Variants in ATP4A observed in about 807,000 individuals in gnomAD.
The protein encoded by ATP4A is ATPase H+/K+ transporting subunit alpha.
ATP4A carries 73 observed loss-of-function variants against 112.1 expected under a neutral mutation model. The observed-to-expected ratio is 0.65, with a 90% confidence interval of 0.54 to 0.79. The LOEUF (loss-of-function observed/expected upper bound fraction) is 0.79, where lower values mean the gene tolerates loss of function less well. ATP4A is among the 30% of genes least tolerant of loss of function. The pLI is 0.00. For missense variants in ATP4A, 1,081 were observed against 1,425.9 expected, an observed-to-expected ratio of 0.76 and a Z score of 3.90; for synonymous variants, 588 against 588.9, an observed-to-expected ratio of 1.00 and a Z score of 0.02.
rs1343391990 is a variant in ATP4A, at chr19:35,550,506, G to T, written c.*109C>A. On this transcript the variant is annotated 3_prime_UTR_variant, in exon 22 of 22. Coordinates refer to ENST00000262623, the MANE Select transcript of ATP4A (RefSeq NM_000704.3). The surrounding 1 kb of genome is among the most constrained non-coding windows in gnomAD (Gnocchi z 4.1). ...GGCTACAGAAGCAGATACTGGTGGGGCTGGGACTCTTGGTTGCTCAGATAT... is the reference window on the plus strand; with the variant it reads ...GGCTACAGAAGCAGATACTGGTGGGTCTGGGACTCTTGGTTGCTCAGATAT... 4 of 1,432,734 alleles carry T rather than the reference G, an allele frequency of 2.8e-6. No individual in the cohort carries two copies. Among genetic ancestry groups the T allele is most frequent in the Non-Finnish European group, 2.9e-6 (3 of 1,031,334 alleles). 88.8% of individuals were successfully genotyped at this position (1,432,734 alleles called of 1,614,324 possible). A position where few individuals can be genotyped will look rare whatever the true frequency, so the allele number is the denominator to read the frequency against.
At position 35,558,953 on chromosome 19, in the gene ATP4A, C is replaced by T. The variant is rs1167741009; in HGVS notation, c.1255+40G>A. 6.2e-7 allele frequency: 1 copy of T among 1,609,796 alleles called. No individual in the cohort carries two copies. The highest frequency in any genetic ancestry group is 1.3e-5 in the African/African-American group (1 of 74,848). On this transcript the variant is annotated intron_variant, in intron 8 of 21. Transcript: ENST00000262623. This position sits in a 1 kb window ranked among gnomAD's most constrained non-coding sequence, Gnocchi z 5.1. Reference sequence around the variant, plus strand: ...CCCTCTTCAGGTCTCCACCATCCACCAGATCCTGCCCTGGCGCCTGTGCCC... The same window carrying T: ...CCCTCTTCAGGTCTCCACCATCCACTAGATCCTGCCCTGGCGCCTGTGCCC...
Position 35,550,848 on chromosome 19 carries a change from C to T in ATP4A, c.3065G>A (p.Arg1022His), listed in dbSNP as rs773459189. 39 of 1,613,986 alleles carry T rather than the reference C, an allele frequency of 2.4e-5. No individual in the cohort carries two copies. The highest frequency in any genetic ancestry group is 3.3e-5 in the South Asian group (3 of 91,078). Residue 1022 changes from arginine to histidine, a missense_variant, in exon 21 of 22, where the codon CGC becomes CAC. Arg to His is a conservative substitution (Grantham distance 29, BLOSUM62 0). Around this residue, in one of 3 missense-constraint regions of ATP4A, gnomAD observed 219 missense variants for 320.9 expected, o/e 0.68. Coordinates refer to ENST00000262623, the MANE Select transcript of ATP4A (RefSeq NM_000704.3). The surrounding 1 kb of genome is among the most constrained non-coding windows in gnomAD (Gnocchi z 4.1). ...TCCACACTCACTCCCTGGGCAACAG[C>T]GAACTCCAAGCTTCCGGATCTCATC... Reference protein sequence around the residue: ...VYDEIRKLGVRCCPGSWWDQE... With the variant: ...VYDEIRKLGVHCCPGSWWDQE...
rs1222895578 is a variant in ATP4A at position 35,558,832 on chromosome 19, C to T, written c.1256-146G>A. On this transcript the variant is annotated intron_variant, in intron 8 of 21. Transcript: ENST00000262623. This position sits in a 1 kb window ranked among gnomAD's most constrained non-coding sequence, Gnocchi z 5.1. ...ACCCAACCCTGAGGGACCCAGCCCC[C>T]GGATGACCCTTCCCTCTAGACCCGG... 18 of 1,262,652 alleles carry T rather than the reference C, an allele frequency of 1.4e-5. No individual in the cohort carries two copies. Among genetic ancestry groups the T allele is most frequent in the Non-Finnish European group, 1.7e-5 (16 of 922,652 alleles). 78.2% of individuals were successfully genotyped at this position (1,262,652 alleles called of 1,614,324 possible).
chr19:35,553,406 G>A (rs898783773), intron 17 of ATP4A, among the ~76,000 whole-genome samples: 1 of 152,018 alleles, frequency 6.6e-6, no homozygotes, highest in Non-Finnish European at 1.5e-5. Context: ...AGAGAAGCAG[G>A]GACAGAGAGA....
chr19:35,560,787 G>A lies in ATP4A; in HGVS notation c.534+32C>T. ...TACAGGAGCAGTTTGGAGTCTCTGG[G>A]ATCTGGAGTGGCTGGGTGCTGGGGA... On this transcript the variant is annotated intron_variant, in intron 5 of 21. Transcript: ENST00000262623. This position sits in a 1 kb window ranked among gnomAD's most constrained non-coding sequence, Gnocchi z 5.1. 6.2e-7 allele frequency: 1 copy of A among 1,605,876 alleles called. No homozygotes were observed. Among genetic ancestry groups the A allele is most frequent in the Non-Finnish European group, 8.5e-7 (1 of 1,172,576 alleles).
Position 35,551,069 on chromosome 19 carries a change from G to A in ATP4A, c.2928C>T (p.Ile976=), listed in dbSNP as rs199522591. 154 of 1,613,516 alleles carry A rather than the reference G, an allele frequency of 9.5e-5. 1 individual carries two copies. The Middle Eastern group carries it at 1.2e-3, about 12-fold the overall frequency. The part of the protein sequence containing the change: ...LVIAIVFQVC[I]GCFLCYCPGM... ...CGGGGCAGTAGCACAGGAAGCAGCC[G>A]ATGCAGACCTGGAACACGATGGCGA... Residue 976 remains isoleucine, a synonymous_variant, in exon 20 of 22, where the codon ATC becomes ATT. Coordinates refer to ENST00000262623, the MANE Select transcript of ATP4A (RefSeq NM_000704.3). This position sits in a 1 kb window ranked among gnomAD's most constrained non-coding sequence, Gnocchi z 5.2.
intron 3 of ATP4A, among the ~76,000 whole-genome samples, chr19:35,562,980 C>T (rs1267027837): frequency 1.3e-5 from 2 of 151,474 alleles, no homozygotes; most frequent in Non-Finnish European, 3.0e-5. Context: ...CTCCCTCTCC[C>T]TCTCTCTCCC....
chr19:35,551,703 A>C lies in ATP4A; in HGVS notation c.2752-123T>G. 20 of 1,244,894 alleles carry C rather than the reference A, an allele frequency of 1.6e-5. No individual in the cohort carries two copies. The highest frequency in any genetic ancestry group is 5.7e-5 in the East Asian group (2 of 35,130). 77.1% of individuals were successfully genotyped at this position (1,244,894 alleles called of 1,614,324 possible). On this transcript the variant is annotated intron_variant, in intron 18 of 21. Coordinates refer to ENST00000262623, the MANE Select transcript of ATP4A (RefSeq NM_000704.3). The surrounding 1 kb of genome is among the most constrained non-coding windows in gnomAD (Gnocchi z 5.2). Reference sequence around the variant, plus strand: ...CCCCTAAATGCTCTCTCTGCCTTGCATCAGAGTGTGGGGGTGGGGGGAAGG... The same window carrying C: ...CCCCTAAATGCTCTCTCTGCCTTGCCTCAGAGTGTGGGGGTGGGGGGAAGG...
Position 35,553,578 on chromosome 19 carries a change from G to A in ATP4A, c.2605+128C>T, listed in dbSNP as rs1215296875. 2.5e-5 allele frequency: 34 copies of A among 1,363,010 alleles called. No homozygotes were observed. The East Asian group carries it at 4.2e-4, about 17-fold the overall frequency. The allele number at this position is 1,363,010 out of a possible 1,614,324, so 84.4% of individuals were successfully genotyped here. A position where few individuals can be genotyped will look rare whatever the true frequency, so the allele number is the denominator to read the frequency against. ...AACAGAGAGGGACACGGAGGACAAC[G>A]GAGACCCAGGACCAAATGCAGACAC... On this transcript the variant is annotated intron_variant, in intron 17 of 21. Transcript: ENST00000262623.
chr19:35,550,110 C>T lies in ATP4A; in HGVS notation c.*505G>A, dbSNP rs2071592642. ...TGTACTAGGCACTGGAGGTGCAGCC[C>T]TGGATAAACAGCCCCCATGTACAGG... On this transcript the variant is annotated 3_prime_UTR_variant, in exon 22 of 22. Coordinates refer to ENST00000262623, the MANE Select transcript of ATP4A (RefSeq NM_000704.3). The surrounding 1 kb of genome is among the most constrained non-coding windows in gnomAD (Gnocchi z 4.1). The T allele has an allele frequency of 5.6e-6, 1 of 178,202 alleles. No homozygotes were observed. The highest frequency in any genetic ancestry group is 1.2e-5 in the Non-Finnish European group (1 of 82,842). The allele number at this position is 178,202 out of a possible 1,614,324, so 11.0% of individuals were successfully genotyped here. A position where few individuals can be genotyped will look rare whatever the true frequency, so the allele number is the denominator to read the frequency against.
Position 35,551,511 on chromosome 19 carries a change from G to A in ATP4A, c.2821C>T (p.Gln941Ter). The change falls in exon 19 of 22, where the codon CAG becomes TAG. Residue 941 changes from glutamine (Q) to a stop codon, truncating the protein, a stop_gained. Transcript: ENST00000262623. LOFTEE classifies it high-confidence loss of function. The surrounding 1 kb of genome is among the most constrained non-coding windows in gnomAD (Gnocchi z 5.2). ...TVFFISIEVCQIADVLIRKTR... is the reference protein window; with the variant it reads ...TVFFISIEVC Reference sequence around the variant, plus strand: ...TTGCGGATGAGGACATCGGCGATCTGGCACACCTCAATGCTGATGAAGAAC... The same window carrying A: ...TTGCGGATGAGGACATCGGCGATCTAGCACACCTCAATGCTGATGAAGAAC... 6.2e-7 allele frequency: 1 copy of A among 1,614,118 alleles called. No individual in the cohort carries two copies. Among genetic ancestry groups the A allele is most frequent in the Non-Finnish European group, 8.5e-7 (1 of 1,180,002 alleles).
At chr19:35,553,872 G>T in intron 16 of ATP4A, 43 bp from the exon 17 acceptor site, 1 of 1,538,378 alleles carries the variant, frequency 6.5e-7, no homozygotes, top group Non-Finnish European at 8.8e-7. Context: ...GTTTGGCTGG[G>T]CCCTTGTCCC....
Position 35,555,715 on chromosome 19 carries a change from G to A in ATP4A, c.1967C>T (p.Ala656Val). ...GTCTACGGGCACACGGAGGCGGGCAGCGATGTCCTCCACTGTCTCGCTGCC... is the reference window on the plus strand; with the variant it reads ...GTCTACGGGCACACGGAGGCGGGCAACGATGTCCTCCACTGTCTCGCTGCC... ...SEGSETVEDI[A>V]ARLRVPVDQV... The change falls in exon 13 of 22, where the codon GCT (alanine) becomes GTT (valine). Residue 656 changes from alanine to valine, a missense_variant. Ala to Val is a moderately conservative substitution (Grantham distance 64, BLOSUM62 0). Coordinates refer to ENST00000262623, the MANE Select transcript of ATP4A (RefSeq NM_000704.3). This position sits in a 1 kb window ranked among gnomAD's most constrained non-coding sequence, Gnocchi z 6.6. 1 of 1,611,450 alleles carries A rather than the reference G, an allele frequency of 6.2e-7. No individual in the cohort carries two copies. The highest frequency in any genetic ancestry group is 8.5e-7 in the Non-Finnish European group (1 of 1,177,790).
At chr19:35,553,907 C>T (rs941808269) in intron 16 of ATP4A, 78 bp from the exon 17 acceptor site, 3 of 1,506,938 alleles carry the variant, frequency 2.0e-6, no homozygotes, top group Non-Finnish European at 2.7e-6. Flanking sequence ...CCCCTTCCCC[C>T]ACTTGTGAGC....
chr19:35,562,697 G>C, intron 3 of ATP4A, 59 bp from the exon 4 acceptor site: 1 of 1,487,430 alleles, frequency 6.7e-7, no homozygotes, highest in Non-Finnish European at 9.0e-7. Flanking sequence ...TGCACACCCC[G>C]TGGAAAGCCC....
chr19:35,562,673 G>A (rs762482103), intron 3 of ATP4A, 35 bp from the exon 4 acceptor site: 7 of 1,544,486 alleles, frequency 4.5e-6, no homozygotes, highest in Non-Finnish European at 6.1e-6. Flanking sequence ...CGGTCCTGGG[G>A]GCTTTCCTCC....
intron 2 of ATP4A, 48 bp from the exon 3 acceptor site, chr19:35,563,316 C>T: frequency 6.2e-7 from 1 of 1,613,550 alleles, no homozygotes; most frequent in Non-Finnish European, 8.5e-7. Flanking sequence ...TCTCCTGGCC[C>T]CCTCCCCGCC....
intron 4 of ATP4A, among the ~76,000 whole-genome samples, chr19:35,562,167 T>C (rs1333002450): frequency 6.6e-6 from 1 of 152,050 alleles, no homozygotes; most frequent in Non-Finnish European, 1.5e-5. Context: ...CCAAATCCCA[T>C]CTCTTACGTA....
rs80015174 is a variant in ATP4A at position 35,561,453 on chromosome 19, A to G, written c.421-521T>C. 3.7e-3 allele frequency among the ~76,000 whole-genome samples: 566 copies of G among 151,906 alleles called. 4 individuals are homozygous for G. The highest frequency in any genetic ancestry group is 0.017 in the Middle Eastern group (5 of 294). On this transcript the variant is annotated intron_variant, in intron 4 of 21. Coordinates refer to ENST00000262623, the MANE Select transcript of ATP4A (RefSeq NM_000704.3). ...TCCCTGCGTGTGCTGCAGACCTTGT[A>G]CGTCATGGTCTGTGTCCTCTGTGGC...
Sources: gnomAD v4.1 joint callset for allele counts (sites outside exome capture counted in the v4.1 genomes callset) on GRCh38, gnomAD v4.1.1 for gene constraint, gnomAD v4.1.1 regional missense constraint, Gnocchi (gnomAD v3.1) non-coding constraint, MANE v1.5 for transcripts, NCBI Gene and HGNC (gene_info 2026-07-23, HGNC 2026-07-21) for gene names.